The following ANO10 variants were observed in gnomAD, a reference collection of about 807,000 sequenced individuals.
ANO10 encodes anoctamin-10.
A neutral mutation model predicts 74.7 loss-of-function variants in ANO10; 77 were observed. The observed-to-expected ratio is 1.03, with a 90% CI of 0.86 to 1.25. The LOEUF (loss-of-function observed/expected upper bound fraction) is 1.25. Ranked by LOEUF, ANO10 falls within the 50% of genes most tolerant of loss-of-function variation. ANO10 has a pLI of 0.00. For missense variants in ANO10, 721 were observed against 778.1 expected (o/e 0.93, Z 0.87); for synonymous variants, 279 against 284.9 (o/e 0.98, Z 0.21).
intron 12 of ANO10, among the ~76,000 whole-genome samples, chr3:43,398,651 G>A (rs1226261354): frequency 6.6e-6 from 1 of 152,178 alleles, no homozygotes; most frequent in Non-Finnish European, 1.5e-5. Flanking sequence ...CCTGTTTTGG[G>A]GGAGCTTGCC....
intron 1 of ANO10, among the ~76,000 whole-genome samples, chr3:43,648,502 T>G (rs2083750051): frequency 6.6e-6 from 1 of 152,166 alleles, no homozygotes; most frequent in Non-Finnish European, 1.5e-5. Context: ...ATTGATTATA[T>G]GCTAAACAAG....
intron 1 of ANO10, among the ~76,000 whole-genome samples, chr3:43,687,408 G>GTA (rs1447207638): frequency 6.6e-6 from 1 of 152,192 alleles, no homozygotes; most frequent in African/African-American, 2.4e-5. Flanking sequence ...GATGGTTGTG[G>GTA]TATTGCTCAG....
intron 11 of ANO10, among the ~76,000 whole-genome samples, chr3:43,498,966 TG>T (rs1416075767): frequency 1.3e-5 from 2 of 152,194 alleles, no homozygotes; most frequent in Non-Finnish European, 2.9e-5. Flanking sequence ...GCTTGGGCAC[TG>T]GGGGTAAGTC....
chr3:43,679,371 A>G (rs2084164676), intron 1 of ANO10, among the ~76,000 whole-genome samples: 2 of 152,170 alleles, frequency 1.3e-5, no homozygotes, highest in Admixed American at 6.5e-5. Flanking sequence ...ATCAAACTGC[A>G]AGGCAGCAGC....
intron 11 of ANO10, among the ~76,000 whole-genome samples, chr3:43,495,951 T>C (rs932419037): frequency 7.2e-5 from 11 of 152,146 alleles, no homozygotes; most frequent in African/African-American, 2.4e-4. Context: ...TCTGACCACC[T>C]TGGCCTCCCA....
chr3:43,635,250 T>C (rs72866845), intron 1 of ANO10, among the ~76,000 whole-genome samples: 16,252 of 152,178 alleles, frequency 0.11, 1,491 homozygotes, highest in African/African-American at 0.25. Flanking sequence ...GGAATCCATC[T>C]CTTCAAGCAC....
chr3:43,495,589 G>A (rs905007999), intron 11 of ANO10, among the ~76,000 whole-genome samples: 8 of 152,154 alleles, frequency 5.3e-5, no homozygotes, highest in African/African-American at 1.9e-4. Flanking sequence ...TCACAGATGA[G>A]GCATGGCAAG....
chr3:43,561,809 A>G (rs2080049925), intron 8 of ANO10, among the ~76,000 whole-genome samples: 1 of 152,214 alleles, frequency 6.6e-6, no homozygotes, highest in Non-Finnish European at 1.5e-5. Context: ...GTACTTCATG[A>G]ATATGTACAA....
At chr3:43,645,211 C>A (rs116086673) in intron 1 of ANO10, among the ~76,000 whole-genome samples, 1 of 152,138 alleles carries the variant, frequency 6.6e-6, no homozygotes, top group Non-Finnish European at 1.5e-5. Flanking sequence ...AGAAAGCAAA[C>A]GCATCTCAAA....
chr3:43,479,782 G>C (rs1235401001), intron 11 of ANO10, among the ~76,000 whole-genome samples: 1 of 152,270 alleles, frequency 6.6e-6, no homozygotes, highest in African/African-American at 2.4e-5. Context: ...CCAGGAGATA[G>C]AGCCTAGGAC....
intron 7 of ANO10, among the ~76,000 whole-genome samples, chr3:43,568,599 GA>G (rs1328022298): frequency 6.7e-6 from 1 of 148,372 alleles, no homozygotes; most frequent in Non-Finnish European, 1.5e-5. Flanking sequence ...GGTACATAAC[GA>G]AATGAAGGCA....
intron 12 of ANO10, among the ~76,000 whole-genome samples, chr3:43,386,017 G>A (rs1413576253): frequency 2.0e-5 from 3 of 152,056 alleles, no homozygotes; most frequent in Non-Finnish European, 2.9e-5. Flanking sequence ...TTCTGTTCTA[G>A]GAAGACACCC....
At position 43,666,661 on chromosome 3, in the gene ANO10, G is replaced by T. The variant is rs1367632153; in HGVS notation, c.-12+24856C>A. ...TCCTGCTTCTATAGTAAAATAGATG[G>T]GTAATTTATAAATAATAGAAATTTA... On this transcript the variant is annotated intron_variant, in intron 1 of 3. Transcript: ENST00000413397. Among the ~76,000 whole-genome samples, 3 of 151,960 alleles carry T rather than the reference G, an allele frequency of 2.0e-5. No individual in the cohort carries two copies. In the East Asian group the frequency reaches 5.8e-4, roughly 29 times the overall value.
At chr3:43,414,967 C>CTTTTTT (rs60554785) in intron 12 of ANO10, among the ~76,000 whole-genome samples, 23 of 66,602 alleles carry the variant, frequency 3.5e-4, no homozygotes, top group Non-Finnish European at 4.6e-4. Flanking sequence ...TGTCATTGTG[C>CTTTTTT]TTTTTTTTTT....
chr3:43,519,177 G>T (rs906313295), intron 11 of ANO10, among the ~76,000 whole-genome samples: 1 of 152,096 alleles, frequency 6.6e-6, no homozygotes, highest in African/African-American at 2.4e-5. Flanking sequence ...AATATCAGGG[G>T]CTGGTTCCCC....
At chr3:43,628,720 G>C (rs921935963) in intron 1 of ANO10, among the ~76,000 whole-genome samples, 1 of 152,066 alleles carries the variant, frequency 6.6e-6, no homozygotes, top group South Asian at 2.1e-4. Flanking sequence ...TGGCCCCCCC[G>C]GGTGTGGCCG....
At chr3:43,611,513 G>A (rs762345466) in intron 1 of ANO10, among the ~76,000 whole-genome samples, 2 of 152,146 alleles carry the variant, frequency 1.3e-5, no homozygotes, top group African/African-American at 2.4e-5. Context: ...CTTGATCTCT[G>A]GAGACAGACA....
intron 4 of ANO10, among the ~76,000 whole-genome samples, chr3:43,598,080 G>A (rs1280367774): frequency 1.3e-5 from 2 of 152,164 alleles, no homozygotes; most frequent in Non-Finnish European, 2.9e-5. Flanking sequence ...CTTTCATTCT[G>A]CAAACTAGTA....
intron 11 of ANO10, among the ~76,000 whole-genome samples, chr3:43,459,160 T>C (rs2075272883): frequency 6.6e-6 from 1 of 152,132 alleles, no homozygotes; most frequent in Non-Finnish European, 1.5e-5. Context: ...TCTCAATTTT[T>C]TTTTCCTGAC....
Sources: allele counts gnomAD v4.1 joint callset (sites outside exome capture counted in the v4.1 genomes callset), GRCh38; gene constraint gnomAD v4.1.1; transcripts MANE v1.5; gene names NCBI Gene and HGNC (gene_info 2026-07-23, HGNC 2026-07-21).